The following PSD4 variants were observed in gnomAD, a reference collection of about 807,000 sequenced individuals.
PSD4 encodes pleckstrin and Sec7 domain containing 4, also known as PH and SEC7 domain-containing protein 4.
A neutral mutation model predicts 112.5 loss-of-function variants in PSD4; 59 were observed. That is an observed-to-expected ratio of 0.52 (90% CI 0.43 to 0.65). The LOEUF (loss-of-function observed/expected upper bound fraction) is 0.65, where lower values mean the gene tolerates loss of function less well. Among genes scored for constraint, PSD4 ranks in the 30% least tolerant of loss-of-function variants. The probability of loss-of-function intolerance (pLI) is 0.00; values close to 1 mark genes in which losing one functional copy is unlikely to be tolerated. For missense variants in PSD4, 1,267 were observed against 1,352.6 expected (o/e 0.94, Z 0.99); for synonymous variants, 533 against 540.0 (o/e 0.99, Z 0.18).
chr2:113,190,361 G>T (rs115086420), intron 5 of PSD4, among the ~76,000 whole-genome samples: 2 of 152,158 alleles, frequency 1.3e-5, no homozygotes, highest in African/African-American at 2.4e-5. Flanking sequence ...CTTTGTTGAA[G>T]ATCAGTTGGC....
At chr2:113,198,920 C>G in intron 15 of PSD4, 36 bp downstream of exon 15, 2 of 1,545,770 alleles carry the variant, frequency 1.3e-6, no homozygotes, top group South Asian at 1.2e-5. Context: ...TCCGGCGGAA[C>G]TGGGAATGTG....
intron 5 of PSD4, among the ~76,000 whole-genome samples, chr2:113,189,150 A>G (rs1688384613): frequency 6.6e-6 from 1 of 152,152 alleles, no homozygotes. Context: ...ATGAGTGAGA[A>G]CATAGGATGT....
chr2:113,197,588 A>G lies in PSD4; in HGVS notation c.2411A>G (p.Lys804Arg). 1 of 1,614,202 alleles carries G rather than the reference A, an allele frequency of 6.2e-7. No homozygotes were observed. Among genetic ancestry groups the G allele is most frequent in the Non-Finnish European group, 8.5e-7 (1 of 1,180,022 alleles). The change falls in exon 13 of 17, where the codon AAG (lysine) becomes AGG (arginine). Residue 804 changes from lysine to arginine, a missense_variant. Lys to Arg is a conservative substitution (Grantham distance 26). This residue lies in a region of PSD4 where 544 missense variants were observed against 648.6 expected (regional missense o/e 0.84). Coordinates refer to ENST00000245796, the MANE Select transcript of PSD4 (RefSeq NM_012455.3). Reference protein sequence around the residue: ...KKTPWGKRGWKMFHTLLRGMV... With the variant: ...KKTPWGKRGWRMFHTLLRGMV... ...GCGCCATGGGGCAAGCGTGGCTGGA[A>G]GATGTTCCACACCTTACTGCGAGGG...
At position 113,205,288 on chromosome 2, in the gene PSD4, G is replaced by C. The variant is rs1434867206; in HGVS notation, c.*3873G>C. The C allele has an allele frequency of 6.6e-6, 1 of 152,154 alleles. No individual in the cohort carries two copies. The highest frequency in any genetic ancestry group is 1.5e-5 in the Non-Finnish European group (1 of 68,048). The allele number at this position is 152,154 out of a possible 1,614,324, so 9.4% of individuals were successfully genotyped here. A position where few individuals can be genotyped will look rare whatever the true frequency, so the allele number is the denominator to read the frequency against. ...TGGCCAGTGCAGTGCAATTTTTAAA[G>C]AGAAGAGTGCCAAGCTCAGGGCTTG... On this transcript the variant is annotated 3_prime_UTR_variant, in exon 17 of 17. Coordinates refer to ENST00000245796, the MANE Select transcript of PSD4 (RefSeq NM_012455.3).
intron 6 of PSD4, among the ~76,000 whole-genome samples, chr2:113,192,790 G>T (rs1688487605): frequency 1.3e-5 from 2 of 152,196 alleles, no homozygotes; most frequent in South Asian, 4.1e-4. Context: ...CACACCCTTG[G>T]TCCTTGGTCC....
rs1054251244 is a variant in PSD4 at position 113,185,627 on chromosome 2, C to T, written c.1249+187C>T. On this transcript the variant is annotated intron_variant, in intron 4 of 16. Transcript: ENST00000245796. ...TAAATGAAGGAAACGTACAAAAGGA[C>T]CAGCATTTCTTACCGCTGGGTCTTA... is the stretch of plus-strand genomic sequence containing the variant. 1.5e-5 allele frequency: 23 copies of T among 1,548,324 alleles called. No individual in the cohort carries two copies. The African/African-American group carries it at 3.1e-4, about 21-fold the overall frequency.
rs1688812092 is a variant in PSD4, at chr2:113,203,038, GTGTC to G, written c.*1627_*1630del. 6.6e-6 allele frequency: 1 copy of G among 152,336 alleles called. No individual in the cohort carries two copies. Among genetic ancestry groups the G allele is most frequent in the Admixed American group, 6.5e-5 (1 of 15,294 alleles). The allele number at this position is 152,336 out of a possible 1,614,324, so 9.4% of individuals were successfully genotyped here. On this transcript the variant is annotated 3_prime_UTR_variant, in exon 17 of 17. Transcript: ENST00000245796. ...GTGTCTGTGCATGTGTGTAGTGTCT[GTGTC>G]TGTGTGTTCATGCATATGCAGGAGT...
At chr2:113,196,434 C>A in intron 12 of PSD4, 127 bp downstream of exon 12, 1 of 1,224,850 alleles carries the variant, frequency 8.2e-7, no homozygotes, top group Non-Finnish European at 1.1e-6. Flanking sequence ...AGCCCATGTT[C>A]CTTCCTCAGT....
At position 113,183,360 on chromosome 2, in the gene PSD4, A is replaced by T. The variant is rs779183333; in HGVS notation, c.904A>T (p.Ser302Cys). 5.0e-6 allele frequency: 8 copies of T among 1,586,946 alleles called. No homozygotes were observed. Among genetic ancestry groups the T allele is most frequent in the Non-Finnish European group, 2.6e-6 (3 of 1,165,638 alleles). Residue 302 changes from serine to cysteine, a missense_variant, in exon 2 of 17, where the codon AGT (serine) becomes TGT (cysteine). Ser to Cys is a moderately radical substitution (Grantham distance 112). Coordinates refer to ENST00000245796, the MANE Select transcript of PSD4 (RefSeq NM_012455.3). ...PEDTVLWELE[S>C]EPDLGDGAAI... Reference sequence around the variant, plus strand: ...AGACACAGTGCTGTGGGAGCTGGAAAGTGAGCCAGATTTGGGGGACGGCGC... The same window carrying T: ...AGACACAGTGCTGTGGGAGCTGGAATGTGAGCCAGATTTGGGGGACGGCGC...
rs1688293563 is a variant in PSD4 at position 113,186,119 on chromosome 2, G to A, written c.1492G>A (p.Glu498Lys). 6.2e-7 allele frequency: 1 copy of A among 1,614,202 alleles called. No individual in the cohort carries two copies. Among genetic ancestry groups the A allele is most frequent in the Non-Finnish European group, 8.5e-7 (1 of 1,180,050 alleles). ...SQSSLLETDG[E>K]QPSSLKKKEA... ...GTCTTCACTCTTGGAGACGGATGGG[G>A]AACAGCCAAGTTCCTTGAAGAAAAA... The change falls in exon 5 of 17, where the codon GAA (glutamate) becomes AAA (lysine). Residue 498 changes from glutamate to lysine, a missense_variant. This residue lies in a region of PSD4 where 723 missense variants were observed against 704.0 expected (regional missense o/e 1.03). Coordinates refer to ENST00000245796, the MANE Select transcript of PSD4 (RefSeq NM_012455.3).
rs45625636 is a variant in PSD4 at position 113,184,877 on chromosome 2, T to A, written c.1057-80T>A. On this transcript the variant is annotated intron_variant, in intron 2 of 16. Coordinates refer to ENST00000245796, the MANE Select transcript of PSD4 (RefSeq NM_012455.3). ...GTGAAGGGAGGAGGCTTCATGGGAT[T>A]TGAGAAAGGCCCTGGGAGCAATTTT... 3.2e-6 allele frequency: 5 copies of A among 1,581,040 alleles called. No homozygotes were observed. In the African/African-American group the frequency reaches 6.7e-5, roughly 21 times the overall value.
rs1163893169 is a variant in PSD4 at position 113,174,021 on chromosome 2, C to T, written c.-145C>T. ...AGCCAGGAAGTGCTCTTGGGGAGCC[C>T]AGGCCAAGCCATCCATTCTTGGGTC... On this transcript the variant is annotated 5_prime_UTR_variant, in exon 1 of 17. Coordinates refer to ENST00000245796, the MANE Select transcript of PSD4 (RefSeq NM_012455.3). The T allele has an allele frequency of 6.6e-6, 1 of 152,458 alleles. No individual in the cohort carries two copies. The highest frequency in any genetic ancestry group is 2.4e-5 in the African/African-American group (1 of 41,436). 9.4% of individuals were successfully genotyped at this position (152,458 alleles called of 1,614,324 possible).
chr2:113,190,507 TC>T (rs761138179), intron 5 of PSD4, among the ~76,000 whole-genome samples: 4 of 152,182 alleles, frequency 2.6e-5, no homozygotes, highest in Non-Finnish European at 5.9e-5. Context: ...CAATCATGAA[TC>T]ACTGAAGCCT....
In PSD4 at chr2:113,193,295, C is replaced by G. The variant is rs1242630552; in HGVS notation, c.1957C>G (p.Gln653Glu). Reference sequence around the variant, plus strand: ...GGCCTTGGTGCTCAGTGGGGAGACTCAGGAACGGGAGCGAATCCTCTACCA... The same window carrying G: ...GGCCTTGGTGCTCAGTGGGGAGACTGAGGAACGGGAGCGAATCCTCTACCA... ...LQALVLSGET[Q>E]ERERILYQFS... is the part of the protein sequence containing the mutation. The change falls in exon 8 of 17, where the codon CAG (glutamine) becomes GAG (glutamate). Residue 653 changes from glutamine to glutamate, a missense_variant. Physicochemically the swap from Gln to Glu is conservative, Grantham distance 29 (BLOSUM62 2). Coordinates refer to ENST00000245796, the MANE Select transcript of PSD4 (RefSeq NM_012455.3). 1 of 1,595,940 alleles carries G rather than the reference C, an allele frequency of 6.3e-7. No individual in the cohort carries two copies. Among genetic ancestry groups the G allele is most frequent in the South Asian group, 1.1e-5 (1 of 88,626 alleles).
rs920326902 is a variant in PSD4, at chr2:113,201,054, T to C, written c.2914-104T>C. 2.0e-6 allele frequency: 3 copies of C among 1,466,912 alleles called. No individual in the cohort carries two copies. In the South Asian group the frequency reaches 4.0e-5, roughly 20 times the overall value. The allele number at this position is 1,466,912 out of a possible 1,614,324, so 90.9% of individuals were successfully genotyped here. On this transcript the variant is annotated intron_variant, in intron 16 of 16. Transcript: ENST00000245796. Reference sequence around the variant, plus strand: ...CCAGCCCTCTTTCTGTCGAGGTCTGTATCGCCATAGCTTCATGTACCTGTG... The same window carrying C: ...CCAGCCCTCTTTCTGTCGAGGTCTGCATCGCCATAGCTTCATGTACCTGTG...
chr2:113,185,703 G>C, intron 4 of PSD4, 174 bp from the exon 5 acceptor site: 1 of 1,548,782 alleles, frequency 6.5e-7, no homozygotes, highest in Non-Finnish European at 8.7e-7. Context: ...CTTGAGTCCT[G>C]GGAGCCCGCT....
intron 1 of PSD4, among the ~76,000 whole-genome samples, chr2:113,178,454 G>A (rs1688035720): frequency 6.6e-6 from 1 of 150,966 alleles, no homozygotes; most frequent in Admixed American, 6.6e-5. Context: ...AACCCAGCAA[G>A]GAACGCTGGT....
intron 5 of PSD4, among the ~76,000 whole-genome samples, chr2:113,187,848 C>A (rs1688340930): frequency 6.6e-6 from 1 of 152,226 alleles, no homozygotes; most frequent in Admixed American, 6.5e-5. Context: ...GGTGACTTCT[C>A]ACTGCCTCTT....
rs550469227 is a variant in PSD4, at chr2:113,206,116, G to C, written c.*4701G>C. On this transcript the variant is annotated 3_prime_UTR_variant, in exon 17 of 17. Coordinates refer to ENST00000245796, the MANE Select transcript of PSD4 (RefSeq NM_012455.3). Reference sequence around the variant, plus strand: ...CTTCATGGGCCCACTGGGGCTCTTTGAGCCTATTCTCTACCCCCTTCATTA... The same window carrying C: ...CTTCATGGGCCCACTGGGGCTCTTTCAGCCTATTCTCTACCCCCTTCATTA... The C allele has an allele frequency of 5.9e-5, 9 of 152,454 alleles. No individual in the cohort carries two copies. Among genetic ancestry groups the C allele is most frequent in the African/African-American group, 2.2e-4 (9 of 41,564 alleles). 9.4% of individuals were successfully genotyped at this position (152,454 alleles called of 1,614,324 possible).
Sources: allele counts gnomAD v4.1 joint callset (sites outside exome capture counted in the v4.1 genomes callset), GRCh38; gene constraint gnomAD v4.1.1; regional missense constraint gnomAD v4.1.1; transcripts MANE v1.5; gene names NCBI Gene and HGNC (gene_info 2026-07-23, HGNC 2026-07-21).